Variants in EIF2S3 observed in about 807,000 individuals in gnomAD.
EIF2S3 encodes the protein eukaryotic translation initiation factor 2 subunit 3.
EIF2S3 carries 2 observed loss-of-function variants against 31.7 expected under a neutral mutation model. The observed-to-expected ratio is 0.06, with a 90% CI of 0.03 to 0.20. The LOEUF (loss-of-function observed/expected upper bound fraction) is 0.20. Ranked by LOEUF, EIF2S3 falls within the 10% of genes least tolerant of loss-of-function variation. The pLI, the probability that EIF2S3 is intolerant of heterozygous loss-of-function variation, is 1.00. For missense variants in EIF2S3, 96 were observed against 359.3 expected, an observed-to-expected ratio of 0.27 and a Z score of 5.92; for synonymous variants, 120 against 126.7, an observed-to-expected ratio of 0.95 and a Z score of 0.36.
At chrX:24,075,034 T>A (rs1244498710) in intron 11 of EIF2S3, among the ~76,000 whole-genome samples, 2 of 108,510 alleles carry the variant, frequency 1.8e-5, no homozygotes, top group Non-Finnish European at 3.8e-5. Flanking sequence ...CCGGCTAATT[T>A]TTGTATTTTC....
chrX:24,062,270 C>A, intron 5 of EIF2S3, 146 bp from the exon 6 acceptor site: 3 of 552,507 alleles, frequency 5.4e-6, no homozygotes, highest in Non-Finnish European at 8.4e-6. Flanking sequence ...AAGGAAACCC[C>A]ATGCCCATGA....
At chrX:24,070,707 G>A (rs1296740493) in intron 9 of EIF2S3, among the ~76,000 whole-genome samples, 1 of 111,106 alleles carries the variant, frequency 9.0e-6, no homozygotes, top group Non-Finnish European at 1.9e-5. Flanking sequence ...CAAGTGCTGG[G>A]ATTATAAGTG....
At chrX:24,067,282 G>C (rs749013662) in intron 8 of EIF2S3, among the ~76,000 whole-genome samples, 1 of 109,856 alleles carries the variant, frequency 9.1e-6, no homozygotes, top group Non-Finnish European at 1.9e-5. Flanking sequence ...CAGGTGATCT[G>C]CCTGCCTCAG....
rs11548543 is a variant in EIF2S3, at chrX:24,073,174, C to T, written c.1266C>T (p.Ala422=). The part of the protein sequence containing the change: ...STGGRVSAVK[A]DLGKIVLTNP... The stretch of plus-strand genomic sequence containing the variant: ...GAGGGAGAGTTAGTGCTGTCAAGGC[C>T]GATTTGGGTAAAATTGTTTTGACCA... The change falls in exon 11 of 12, where the codon GCC becomes GCT. Residue 422 remains alanine, a synonymous_variant. Transcript: ENST00000253039. The T allele has an allele frequency of 3.4e-3, 4,128 of 1,209,451 alleles. 85 individuals carry two copies. The African/African-American group carries it at 0.062, about 18-fold the overall frequency.
intron 9 of EIF2S3, among the ~76,000 whole-genome samples, chrX:24,069,686 CTTTTTT>C (rs754589833): frequency 8.2e-5 from 5 of 60,986 alleles, no homozygotes; most frequent in Admixed American, 2.6e-4. Flanking sequence ...TTTTTAATTT[CTTTTTT>C]TTTTTTTTTT....
At chrX:24,074,573 A>C (rs188617316) in intron 11 of EIF2S3, among the ~76,000 whole-genome samples, 24 of 111,428 alleles carry the variant, frequency 2.2e-4, no homozygotes, top group African/African-American at 6.5e-4. Context: ...TCTTGCCTGA[A>C]TCGAACTTGA....
intron 6 of EIF2S3, among the ~76,000 whole-genome samples, chrX:24,063,310 G>C (rs1190731638): frequency 8.9e-6 from 1 of 112,102 alleles, no homozygotes; most frequent in Non-Finnish European, 1.9e-5. Context: ...CATTTCAGAG[G>C]AGATGTGATT....
At chrX:24,061,562 C>T (rs1317145286) in intron 5 of EIF2S3, among the ~76,000 whole-genome samples, 1 of 105,462 alleles carries the variant, frequency 9.5e-6, no homozygotes, top group Non-Finnish European at 1.9e-5. Context: ...GAGACTCAGT[C>T]TCAAAAAAAA....
At chrX:24,072,612 A>T (rs1930689280) in intron 10 of EIF2S3, among the ~76,000 whole-genome samples, 1 of 111,630 alleles carries the variant, frequency 9.0e-6, no homozygotes, top group Non-Finnish European at 1.9e-5. Flanking sequence ...GTCCCAGATT[A>T]GGTTGGCAGA....
chrX:24,058,182 G>A (rs961894046), intron 4 of EIF2S3, among the ~76,000 whole-genome samples: 1 of 111,785 alleles, frequency 8.9e-6, no homozygotes, highest in African/African-American at 3.3e-5. Context: ...CACCTGTCTA[G>A]TGATGTTTAT....
chrX:24,067,314 C>T (rs1328718495), intron 8 of EIF2S3, among the ~76,000 whole-genome samples: 1 of 111,453 alleles, frequency 9.0e-6, no homozygotes, highest in Non-Finnish European at 1.9e-5. Flanking sequence ...GCTGGGATTA[C>T]AGGCATAAGC....
At chrX:24,055,742 G>A in intron 2 of EIF2S3, 64 bp downstream of exon 2, 3 of 1,023,529 alleles carry the variant, frequency 2.9e-6, no homozygotes, top group Middle Eastern at 2.5e-4. Flanking sequence ...CACTTTTTGT[G>A]TGATTACTTG....
intron 7 of EIF2S3, among the ~76,000 whole-genome samples, chrX:24,064,673 T>C (rs145088071): frequency 2.7e-5 from 3 of 111,083 alleles, no homozygotes; most frequent in African/African-American, 9.8e-5. Flanking sequence ...ACTAAACATA[T>C]AAAAAATTAA....
At chrX:24,072,468 AG>A (rs1264326135) in intron 10 of EIF2S3, among the ~76,000 whole-genome samples, 1 of 110,203 alleles carries the variant, frequency 9.1e-6, no homozygotes, top group African/African-American at 3.3e-5. Context: ...TTTTTTGTAG[AG>A]ACGGAGTTTT....
intron 5 of EIF2S3, among the ~76,000 whole-genome samples, chrX:24,060,948 CAAAA>C (rs35873085): frequency 1.4e-3 from 35 of 24,315 alleles, no homozygotes; most frequent in East Asian, 3.7e-3. Flanking sequence ...AACTACATCT[CAAAA>C]AAAAAAAAAA....
At position 24,072,941 on chromosome X, in the gene EIF2S3, T is replaced by C. The variant is rs139980882; in HGVS notation, c.1183-150T>C. 1,549 of 626,042 alleles carry C rather than the reference T, an allele frequency of 2.5e-3. 17 individuals carry two copies. In the African/African-American group the frequency reaches 0.029, roughly 12 times the overall value. 51.6% of individuals were successfully genotyped at this position (626,042 alleles called of 1,213,427 possible). A position where few individuals can be genotyped will look rare whatever the true frequency, so the allele number is the denominator to read the frequency against. On this transcript the variant is annotated intron_variant, in intron 10 of 11. Transcript: ENST00000253039. ...AGTGGGTGCCAAATAAACTATACTATATATAGTTCAAATTCCTTTACAATG... is the reference window on the plus strand; with the variant it reads ...AGTGGGTGCCAAATAAACTATACTACATATAGTTCAAATTCCTTTACAATG...
chrX:24,064,447 C>T lies in EIF2S3; in HGVS notation c.772+112C>T, dbSNP rs758875946. 8 of 978,499 alleles carry T rather than the reference C, an allele frequency of 8.2e-6. No individual in the cohort carries two copies. In the East Asian group the frequency reaches 1.3e-4, roughly 17 times the overall value. 80.6% of individuals were successfully genotyped at this position (978,499 alleles called of 1,213,427 possible). ...CTTTCTGCAGAGGTGATAATTCATACAATTTTTTTGAAATCAATTCTGAGA... is the reference window on the plus strand; with the variant it reads ...CTTTCTGCAGAGGTGATAATTCATATAATTTTTTTGAAATCAATTCTGAGA... On this transcript the variant is annotated intron_variant, in intron 7 of 11. Coordinates refer to ENST00000253039, the MANE Select transcript of EIF2S3 (RefSeq NM_001415.4).
rs185950023 is a variant in EIF2S3 at position 24,063,248 on chromosome X, A to G, written c.637+674A>G. Reference sequence around the variant, plus strand: ...ACAAGAGCGAAACTCCATCTCAAATAAATAAATAATAAATCTCTAGAGTGT... The same window carrying G: ...ACAAGAGCGAAACTCCATCTCAAATGAATAAATAATAAATCTCTAGAGTGT... On this transcript the variant is annotated intron_variant, in intron 6 of 11. Coordinates refer to ENST00000253039, the MANE Select transcript of EIF2S3 (RefSeq NM_001415.4). Among the ~76,000 whole-genome samples, 15 of 112,033 alleles carry G rather than the reference A, an allele frequency of 1.3e-4. No individual in the cohort carries two copies. The Admixed American group carries it at 1.4e-3, about 11-fold the overall frequency.
At chrX:24,074,544 T>G (rs12835839) in intron 11 of EIF2S3, among the ~76,000 whole-genome samples, 2 of 111,793 alleles carry the variant, frequency 1.8e-5, no homozygotes, top group East Asian at 2.8e-4. Context: ...CACCCCTGGA[T>G]GTAGCATCCA....
Sources: gnomAD v4.1 joint callset for allele counts (sites outside exome capture counted in the v4.1 genomes callset) on GRCh38, gnomAD v4.1.1 for gene constraint, MANE v1.5 for transcripts, NCBI Gene and HGNC (gene_info 2026-07-23, HGNC 2026-07-21) for gene names.